The following SCN8A variants were observed in gnomAD, a reference collection of about 807,000 sequenced individuals.
SCN8A encodes sodium voltage-gated channel alpha subunit 8.
A neutral mutation model predicts 184.1 loss-of-function variants in SCN8A; 30 were observed. The ratio of observed to expected loss-of-function variants is 0.16; its 90% CI spans 0.12 to 0.22. The LOEUF is 0.22. SCN8A is among the 10% of genes least tolerant of loss of function. SCN8A has a pLI of 1.00. For missense variants in SCN8A, 1,057 were observed against 2,498.9 expected (o/e 0.42, Z 12.30); for synonymous variants, 852 against 907.0 (o/e 0.94, Z 1.09).
chr12:51,753,076 T>C (rs1942620635), intron 14 of SCN8A, among the ~76,000 whole-genome samples: 1 of 152,120 alleles, frequency 6.6e-6, no homozygotes, highest in Non-Finnish European at 1.5e-5. Flanking sequence ...CATGAAAATT[T>C]AGAGATTTAG....
At chr12:51,768,590 T>G (rs572983582) in intron 16 of SCN8A, among the ~76,000 whole-genome samples, 1 of 152,312 alleles carries the variant, frequency 6.6e-6, no homozygotes, top group South Asian at 2.1e-4. Context: ...TTTTTTCTGA[T>G]TATAAGAGAA....
intron 1 of SCN8A, among the ~76,000 whole-genome samples, chr12:51,631,107 C>A (rs1212211802): frequency 6.6e-6 from 1 of 152,198 alleles, no homozygotes; most frequent in Non-Finnish European, 1.5e-5. Context: ...GTTTTAGATA[C>A]ACTTGGTGAA....
intron 24 of SCN8A, among the ~76,000 whole-genome samples, 186 bp downstream of exon 24, chr12:51,789,604 G>A (rs1295375177): frequency 1.3e-5 from 2 of 152,178 alleles, no homozygotes; most frequent in African/African-American, 4.8e-5. Flanking sequence ...GGATTTTGCA[G>A]CATGTAGTTT....
chr12:51,770,124 G>A, intron 18 of SCN8A, 139 bp downstream of exon 18: 1 of 656,314 alleles, frequency 1.5e-6, no homozygotes, highest in South Asian at 1.8e-5. Flanking sequence ...CATTTTGAAG[G>A]AAACTTAGAT....
At chr12:51,705,680 C>G (rs1309189878) in intron 10 of SCN8A, 57 bp downstream of exon 10, 1 of 1,467,054 alleles carries the variant, frequency 6.8e-7, no homozygotes, top group East Asian at 2.4e-5. Flanking sequence ...GACTAAGACC[C>G]CATCTGATTT....
chr12:51,754,466 C>T (rs994513336), intron 14 of SCN8A, among the ~76,000 whole-genome samples: 2 of 151,494 alleles, frequency 1.3e-5, no homozygotes, highest in Non-Finnish European at 2.9e-5. Context: ...AACATTGATA[C>T]ATTACAATGT....
chr12:51,638,650 C>A (rs1940372520), intron 1 of SCN8A, among the ~76,000 whole-genome samples: 1 of 152,136 alleles, frequency 6.6e-6, no homozygotes, highest in Admixed American at 6.5e-5. Flanking sequence ...CCACACCCAA[C>A]TAATTTTTGT....
At position 51,615,414 on chromosome 12, in the gene SCN8A, C is replaced by T. The variant is rs373144552; in HGVS notation, c.-55+24055C>T. Among the ~76,000 whole-genome samples, 22 of 152,138 alleles carry T rather than the reference C, an allele frequency of 1.4e-4. No individual in the cohort carries two copies. The East Asian group carries it at 1.7e-3, about 12-fold the overall frequency. ...TACAAAAAATACAAAAATTAGTGGG[C>T]GTGGTGGCTCATGCCTGTGGTCCCA... On this transcript the variant is annotated intron_variant, in intron 1 of 26. Coordinates refer to ENST00000627620, the MANE Select transcript of SCN8A (RefSeq NM_001330260.2).
chr12:51,747,087 GTA>G (rs35746334), intron 13 of SCN8A, among the ~76,000 whole-genome samples: 59,332 of 118,846 alleles, frequency 0.5, 13,762 homozygotes, highest in Admixed American at 0.62. Flanking sequence ...TACTCTGTGT[GTA>G]TGTGTGTGTG....
chr12:51,657,792 G>A (rs953525840), intron 1 of SCN8A, among the ~76,000 whole-genome samples: 6 of 151,974 alleles, frequency 3.9e-5, no homozygotes, highest in African/African-American at 1.4e-4. Flanking sequence ...GTTGATTTTT[G>A]TATGTGGTGA....
intron 3 of SCN8A, among the ~76,000 whole-genome samples, chr12:51,685,370 G>C (rs1250944783): frequency 2.0e-5 from 3 of 152,186 alleles, no homozygotes; most frequent in Non-Finnish European, 4.4e-5. Flanking sequence ...TAACAAGAGA[G>C]AGTGAATTAG....
chr12:51,606,447 G>T (rs1004043163), intron 1 of SCN8A, among the ~76,000 whole-genome samples: 3 of 152,170 alleles, frequency 2.0e-5, no homozygotes, highest in Non-Finnish European at 4.4e-5. Context: ...GTTGGTCTAT[G>T]TGCCTATTTT....
At chr12:51,790,360 C>A in intron 24 of SCN8A, 38 bp from the exon 25 acceptor site, 2 of 1,440,386 alleles carry the variant, frequency 1.4e-6, no homozygotes, top group Non-Finnish European at 9.7e-7. Context: ...ATGTTGAGAG[C>A]CAGTTGTAAT....
intron 1 of SCN8A, among the ~76,000 whole-genome samples, chr12:51,622,021 C>A (rs1939973587): frequency 6.6e-6 from 1 of 152,166 alleles, no homozygotes; most frequent in Non-Finnish European, 1.5e-5. Flanking sequence ...ACTTTGTTCT[C>A]TGTAGAAAGA....
chr12:51,648,161 C>T (rs1235407239), intron 1 of SCN8A, among the ~76,000 whole-genome samples: 2 of 152,070 alleles, frequency 1.3e-5, no homozygotes, highest in Non-Finnish European at 2.9e-5. Flanking sequence ...CCTTTAGATG[C>T]TTTTACATTC....
intron 1 of SCN8A, among the ~76,000 whole-genome samples, chr12:51,632,305 G>A (rs1940213757): frequency 6.6e-6 from 1 of 152,130 alleles, no homozygotes; most frequent in African/African-American, 2.4e-5. Flanking sequence ...GCTAAGTGGG[G>A]GAAATAATTC....
chr12:51,773,609 A>G (rs1332351811), intron 19 of SCN8A, among the ~76,000 whole-genome samples: 1 of 152,238 alleles, frequency 6.6e-6, no homozygotes, highest in East Asian at 1.9e-4. Flanking sequence ...CAGTTCCTCA[A>G]AAAATTAAAC....
At chr12:51,685,451 A>C (rs975803153) in intron 3 of SCN8A, among the ~76,000 whole-genome samples, 7 of 152,200 alleles carry the variant, frequency 4.6e-5, no homozygotes, top group Non-Finnish European at 1.0e-4. Context: ...GAGTTTGAGT[A>C]ACTTGTGCTG....
intron 1 of SCN8A, among the ~76,000 whole-genome samples, chr12:51,660,087 G>A (rs776848747): frequency 1.3e-5 from 2 of 152,190 alleles, no homozygotes; most frequent in African/African-American, 4.8e-5. Context: ...CCAGCCCTTA[G>A]AGAAGGAAGA....
Sources: gnomAD v4.1 joint callset for allele counts (sites outside exome capture counted in the v4.1 genomes callset) on GRCh38, gnomAD v4.1.1 for gene constraint, MANE v1.5 for transcripts, NCBI Gene and HGNC (gene_info 2026-07-23, HGNC 2026-07-21) for gene names.